ARSB: variants seen among roughly 807,000 people sequenced by gnomAD.
The protein encoded by ARSB is arylsulfatase B.
A neutral mutation model predicts 50.9 loss-of-function variants in ARSB; 41 were observed. The observed-to-expected ratio is 0.81, with a 90% CI of 0.63 to 1.04. ARSB has a LOEUF of 1.04. Ranked by LOEUF, ARSB falls within the 50% of genes least tolerant of loss-of-function variation. ARSB has a pLI of 0.00. For synonymous variants in ARSB, 269 were observed against 284.8 expected, an observed-to-expected ratio of 0.94 and a Z score of 0.56; for missense variants, 672 against 693.3, an observed-to-expected ratio of 0.97 and a Z score of 0.35.
chr5:78,798,484 A>G (rs1049513245), intron 6 of ARSB, among the ~76,000 whole-genome samples: 2 of 151,582 alleles, frequency 1.3e-5, no homozygotes, highest in Admixed American at 1.3e-4. Context: ...CTGGCAAGGG[A>G]TGAAAGGAGA....
intron 5 of ARSB, among the ~76,000 whole-genome samples, chr5:78,845,405 T>G (rs1745401334): frequency 6.6e-6 from 1 of 152,154 alleles, no homozygotes; most frequent in South Asian, 2.1e-4. Context: ...GTAGCGGGAT[T>G]GCTGGATCAT....
chr5:78,945,171 T>C (rs1751159331), intron 4 of ARSB, among the ~76,000 whole-genome samples: 1 of 152,162 alleles, frequency 6.6e-6, no homozygotes, highest in Non-Finnish European at 1.5e-5. Flanking sequence ...CCAGGTGCCG[T>C]CTGTCACCCC....
Position 78,939,440 on chromosome 5 carries a change from A to C in ARSB, c.898+15855T>G, listed in dbSNP as rs372158504. Among the ~76,000 whole-genome samples the C allele has an allele frequency of 9.5e-4, 144 of 151,114 alleles. 3 individuals are homozygous for C. In the Middle Eastern group the frequency reaches 0.02, roughly 21 times the overall value. On this transcript the variant is annotated intron_variant, in intron 4 of 7. Coordinates refer to ENST00000264914, the MANE Select transcript of ARSB (RefSeq NM_000046.5). ...ATGCTATCCCTCACCCCTTCCCCCG[A>C]CCCCACAACAGGCCCCGGTGTGTGA...
intron 6 of ARSB, among the ~76,000 whole-genome samples, chr5:78,833,754 T>C (rs2112701862): frequency 6.6e-6 from 1 of 152,264 alleles, no homozygotes; most frequent in East Asian, 1.9e-4. Flanking sequence ...AAATCTCTAT[T>C]TGTCTATTGA....
chr5:78,807,692 T>C (rs1743619075), intron 6 of ARSB, among the ~76,000 whole-genome samples: 1 of 152,118 alleles, frequency 6.6e-6, no homozygotes. Flanking sequence ...CTTCTCTAAC[T>C]AGGAGATCCT....
intron 1 of ARSB, among the ~76,000 whole-genome samples, chr5:78,974,358 A>T (rs1015283935): frequency 2.5e-4 from 38 of 152,146 alleles, no homozygotes; most frequent in Admixed American, 2.5e-3. Flanking sequence ...AAGAGTGCAA[A>T]TCTCTGACTA....
intron 4 of ARSB, among the ~76,000 whole-genome samples, chr5:78,920,012 T>G (rs1749726608): frequency 6.6e-6 from 1 of 151,788 alleles, no homozygotes; most frequent in African/African-American, 2.4e-5. Context: ...GGCAAGCCAG[T>G]GTCCTAGGGA....
chr5:78,877,989 T>C (rs1747566507), intron 5 of ARSB, among the ~76,000 whole-genome samples: 1 of 152,010 alleles, frequency 6.6e-6, no homozygotes, highest in Admixed American at 6.5e-5. Context: ...GAAAAATACA[T>C]TGCATGAAAT....
chr5:78,847,907 T>C (rs1474770158), intron 5 of ARSB, among the ~76,000 whole-genome samples: 1 of 152,132 alleles, frequency 6.6e-6, no homozygotes, highest in Non-Finnish European at 1.5e-5. Context: ...TCAGTTGCAA[T>C]GTCTCCTTTT....
chr5:78,854,148 G>A (rs887600314), intron 5 of ARSB, among the ~76,000 whole-genome samples: 1 of 152,266 alleles, frequency 6.6e-6, no homozygotes, highest in Non-Finnish European at 1.5e-5. Context: ...CCCGTCTTCT[G>A]TGTCGCTCAC....
intron 6 of ARSB, among the ~76,000 whole-genome samples, chr5:78,834,185 T>C (rs1393291163): frequency 6.6e-6 from 1 of 152,214 alleles, no homozygotes; most frequent in Non-Finnish European, 1.5e-5. Flanking sequence ...AGAGACCCTA[T>C]TCTCATGCAG....
chr5:78,860,107 G>A (rs1371178914), intron 5 of ARSB, among the ~76,000 whole-genome samples: 1 of 152,178 alleles, frequency 6.6e-6, no homozygotes, highest in Non-Finnish European at 1.5e-5. Context: ...CTGTTGATTT[G>A]GGGTGCAGAG....
intron 1 of ARSB, among the ~76,000 whole-genome samples, chr5:78,970,014 A>G (rs966936823): frequency 3.9e-5 from 6 of 152,232 alleles, no homozygotes; most frequent in African/African-American, 1.4e-4. Context: ...TTTTTCTTAT[A>G]AAAAGCGGCC....
chr5:78,979,116 A>G (rs1028699989), intron 1 of ARSB, among the ~76,000 whole-genome samples: 8 of 152,262 alleles, frequency 5.3e-5, no homozygotes, highest in Non-Finnish European at 1.2e-4. Flanking sequence ...GAATACATAA[A>G]GAAATCTTAC....
chr5:78,856,654 T>C (rs915381402), intron 5 of ARSB, among the ~76,000 whole-genome samples: 1 of 152,208 alleles, frequency 6.6e-6, no homozygotes, highest in Non-Finnish European at 1.5e-5. Flanking sequence ...AACCATAAAA[T>C]GGTTGTGGGG....
intron 6 of ARSB, among the ~76,000 whole-genome samples, chr5:78,835,089 T>C (rs923635430): frequency 8.5e-5 from 13 of 152,204 alleles, no homozygotes; most frequent in African/African-American, 3.1e-4. Flanking sequence ...TGCAGAATGG[T>C]GAATCTCCTG....
intron 6 of ARSB, among the ~76,000 whole-genome samples, chr5:78,836,147 G>A (rs1007899040): frequency 1.3e-5 from 2 of 152,138 alleles, no homozygotes; most frequent in African/African-American, 4.8e-5. Context: ...TCCTAAAAAT[G>A]AGCAGGCACC....
At chr5:78,917,432 T>A (rs1196216736) in intron 4 of ARSB, among the ~76,000 whole-genome samples, 2 of 152,240 alleles carry the variant, frequency 1.3e-5, no homozygotes, top group East Asian at 3.8e-4. Context: ...TGAAGTCATT[T>A]TTTTTTCTTT....
At chr5:78,824,945 A>C (rs1744372418) in intron 6 of ARSB, among the ~76,000 whole-genome samples, 1 of 152,154 alleles carries the variant, frequency 6.6e-6, no homozygotes, top group African/African-American at 2.4e-5. Flanking sequence ...TAAGGAGTGC[A>C]TTTTTCTCTC....
Sources: gnomAD v4.1 joint callset for allele counts (sites outside exome capture counted in the v4.1 genomes callset) on GRCh38, gnomAD v4.1.1 for gene constraint, MANE v1.5 for transcripts, NCBI Gene and HGNC (gene_info 2026-07-23, HGNC 2026-07-21) for gene names.